LAMA2: variants seen among roughly 807,000 people sequenced by gnomAD.
LAMA2 encodes laminin subunit alpha 2.
A neutral mutation model predicts 364.8 loss-of-function variants in LAMA2; 269 were observed. The observed-to-expected ratio is 0.74, with a 90% CI of 0.67 to 0.82. The LOEUF (loss-of-function observed/expected upper bound fraction) is 0.82, where lower values mean the gene tolerates loss of function less well. Among genes scored for constraint, LAMA2 ranks in the 40% least tolerant of loss-of-function variants. The pLI is 0.00. For missense variants in LAMA2, 3,807 were observed against 3,873.2 expected (o/e 0.98, Z 0.45); for synonymous variants, 1,379 against 1,370.6 (o/e 1.01, Z -0.14).
chr6:129,037,920 T>C (rs1020648746), intron 1 of LAMA2, among the ~76,000 whole-genome samples: 3 of 152,078 alleles, frequency 2.0e-5, no homozygotes, highest in Non-Finnish European at 4.4e-5. Context: ...CTGCCCACCT[T>C]GGCCTCCCAA....
intron 40 of LAMA2, among the ~76,000 whole-genome samples, chr6:129,411,591 A>G (rs1780541856): frequency 6.6e-6 from 1 of 152,164 alleles, no homozygotes; most frequent in Non-Finnish European, 1.5e-5. Flanking sequence ...CCTCAAAAAG[A>G]GCTTTTTCTT....
chr6:129,303,053 A>G (rs894423249), intron 22 of LAMA2, among the ~76,000 whole-genome samples: 1 of 152,120 alleles, frequency 6.6e-6, no homozygotes, highest in Non-Finnish European at 1.5e-5. Flanking sequence ...GGAAGAATTG[A>G]CAGCTTAAAA....
Position 129,391,565 on chromosome 6 carries a change from G to A in LAMA2, c.5146G>A (p.Gly1716Arg), listed in dbSNP as rs890202320. ...CGAGGCCTTTGAGAGAAATTTGGAA[G>A]GGCTTCAGAAAGAGATTGACCAGAT... ...RDEAFERNLEGLQKEIDQMIK... is the reference protein window; with the variant it reads ...RDEAFERNLERLQKEIDQMIK... Residue 1716 changes from glycine to arginine, a missense_variant, in exon 36 of 65, where the codon GGG becomes AGG. Gly to Arg is a moderately radical substitution (Grantham distance 125). This residue lies in a region of LAMA2 where 3,333 missense variants were observed against 3,345.7 expected (regional missense o/e 1.00). Transcript: ENST00000421865. 1.9e-6 allele frequency: 3 copies of A among 1,613,594 alleles called. No individual in the cohort carries two copies. In the African/African-American group the frequency reaches 4.0e-5, roughly 22 times the overall value.
intron 4 of LAMA2, among the ~76,000 whole-genome samples, chr6:129,133,881 C>T (rs1481443562): frequency 6.6e-6 from 1 of 152,106 alleles, no homozygotes; most frequent in Non-Finnish European, 1.5e-5. Context: ...CACACACACA[C>T]ACGCGCACAC....
chr6:129,321,588 A>G (rs1774971310), intron 28 of LAMA2, among the ~76,000 whole-genome samples: 1 of 152,172 alleles, frequency 6.6e-6, no homozygotes, highest in Non-Finnish European at 1.5e-5. Flanking sequence ...TCCCTCACCT[A>G]CAGCCTGAGT....
chr6:128,901,845 G>A (rs1582632554), intron 1 of LAMA2, among the ~76,000 whole-genome samples: 1 of 152,280 alleles, frequency 6.6e-6, no homozygotes, highest in African/African-American at 2.4e-5. Flanking sequence ...AATTCATAAT[G>A]TCTTTTCAAT....
At chr6:129,114,828 CA>C (rs1463891606) in intron 4 of LAMA2, among the ~76,000 whole-genome samples, 1 of 151,912 alleles carries the variant, frequency 6.6e-6, no homozygotes, top group Non-Finnish European at 1.5e-5. Context: ...CCAAATCAGA[CA>C]AATCATGCCT....
intron 1 of LAMA2, among the ~76,000 whole-genome samples, chr6:129,036,508 T>C (rs1786650615): frequency 6.6e-6 from 1 of 152,178 alleles, no homozygotes; most frequent in Non-Finnish European, 1.5e-5. Context: ...TGGTTAGCTC[T>C]GTTTATTTTC....
intron 2 of LAMA2, among the ~76,000 whole-genome samples, chr6:129,058,597 T>C (rs1788654539): frequency 6.6e-6 from 1 of 152,168 alleles, no homozygotes; most frequent in South Asian, 2.1e-4. Flanking sequence ...AACAGACAAA[T>C]GCCGGATGAG....
At chr6:128,969,200 A>G (rs1188075504) in intron 1 of LAMA2, among the ~76,000 whole-genome samples, 2 of 152,092 alleles carry the variant, frequency 1.3e-5, no homozygotes, top group Non-Finnish European at 2.9e-5. Flanking sequence ...CAGACGGAAA[A>G]CCATTTCTTT....
intron 3 of LAMA2, among the ~76,000 whole-genome samples, chr6:129,070,923 A>C (rs751084182): frequency 6.6e-6 from 1 of 152,154 alleles, no homozygotes; most frequent in Non-Finnish European, 1.5e-5. Context: ...TTCCCAAGTA[A>C]CTACTACTGA....
At chr6:129,232,006 T>A (rs370055114) in intron 12 of LAMA2, among the ~76,000 whole-genome samples, 31 of 152,246 alleles carry the variant, frequency 2.0e-4, no homozygotes, top group African/African-American at 7.2e-4. Flanking sequence ...AAAGTAATGT[T>A]GATACAGTAG....
At chr6:129,314,563 T>TA in intron 23 of LAMA2, 92 bp from the exon 24 acceptor site, 1 of 1,207,838 alleles carries the variant, frequency 8.3e-7, no homozygotes, top group South Asian at 1.3e-5. Flanking sequence ...TTAAATTTTT[T>TA]AAAAAGAGTA....
intron 33 of LAMA2, among the ~76,000 whole-genome samples, chr6:129,366,899 T>C (rs1777809390): frequency 6.6e-6 from 1 of 152,198 alleles, no homozygotes; most frequent in Non-Finnish European, 1.5e-5. Flanking sequence ...TGAGCATCAC[T>C]TGACAAGTTT....
intron 1 of LAMA2, among the ~76,000 whole-genome samples, chr6:128,924,033 G>C (rs1778924509): frequency 6.6e-6 from 1 of 152,132 alleles, no homozygotes; most frequent in Non-Finnish European, 1.5e-5. Flanking sequence ...GGGCTGAGAA[G>C]TGTAGGGAAC....
At chr6:129,123,680 A>C (rs1269325157) in intron 4 of LAMA2, among the ~76,000 whole-genome samples, 1 of 152,216 alleles carries the variant, frequency 6.6e-6, no homozygotes, top group African/African-American at 2.4e-5. Context: ...AAACTAAAAT[A>C]GTCAAAACTC....
At chr6:129,223,157 G>A (rs1783993915) in intron 12 of LAMA2, among the ~76,000 whole-genome samples, 1 of 152,130 alleles carries the variant, frequency 6.6e-6, no homozygotes, top group Non-Finnish European at 1.5e-5. Flanking sequence ...AGAAGTGTCT[G>A]TTCATATCCT....
intron 1 of LAMA2, among the ~76,000 whole-genome samples, chr6:129,035,899 G>A (rs1282237827): frequency 6.6e-6 from 1 of 152,108 alleles, no homozygotes; most frequent in African/African-American, 2.4e-5. Context: ...TCAGAGCATA[G>A]TGTGAAGTCA....
At chr6:129,016,725 T>A (rs4897292) in intron 1 of LAMA2, among the ~76,000 whole-genome samples, 86,118 of 151,638 alleles carry the variant, frequency 0.57, 28,631 homozygotes, top group East Asian at 0.96. Flanking sequence ...TATTCTCTTT[T>A]GATCTATATG....
Sources: allele counts gnomAD v4.1 joint callset (sites outside exome capture counted in the v4.1 genomes callset), GRCh38; gene constraint gnomAD v4.1.1; regional missense constraint gnomAD v4.1.1; transcripts MANE v1.5; gene names NCBI Gene and HGNC (gene_info 2026-07-23, HGNC 2026-07-21).